The following WIPF2 variants were observed in gnomAD, a reference collection of about 807,000 sequenced individuals.
WIPF2 encodes the protein WAS/WASL-interacting protein family member 2.
Under a neutral mutation model 38.8 loss-of-function variants are expected in WIPF2, and 23 were observed. The ratio of observed to expected loss-of-function variants is 0.59; its 90% CI spans 0.43 to 0.84. WIPF2 has a LOEUF of 0.84. Among genes scored for constraint, WIPF2 ranks in the 40% least tolerant of loss-of-function variants. WIPF2 has a pLI of 0.00. For synonymous variants in WIPF2, 210 were observed against 223.2 expected, an observed-to-expected ratio of 0.94 and a Z score of 0.53; for missense variants, 574 against 580.5, an observed-to-expected ratio of 0.99 and a Z score of 0.11.
At chr17:40,260,480 C>T in intron 2 of WIPF2, 55 bp from the exon 3 acceptor site, 1 of 1,596,002 alleles carries the variant, frequency 6.3e-7, no homozygotes, top group Non-Finnish European at 8.5e-7. Flanking sequence ...AGCCACCGCA[C>T]CCGGCCGATA....
intron 3 of WIPF2, among the ~76,000 whole-genome samples, chr17:40,262,067 TTTC>T (rs2145378779): frequency 7.3e-6 from 1 of 136,760 alleles, no homozygotes; most frequent in South Asian, 2.3e-4. Flanking sequence ...TTTCTTTTCT[TTTC>T]TTTTCTCTTT....
At chr17:40,273,547 G>T in intron 5 of WIPF2, 1 of 480,134 alleles carries the variant, frequency 2.1e-6, no homozygotes, top group African/African-American at 2.0e-5. Context: ...TGGAAAAGCA[G>T]GAAAAAAATC....
At chr17:40,230,366 G>A (rs1448615161) in intron 1 of WIPF2, among the ~76,000 whole-genome samples, 1 of 152,012 alleles carries the variant, frequency 6.6e-6, no homozygotes, top group Non-Finnish European at 1.5e-5. Flanking sequence ...AAGAGTAATA[G>A]GATAGTGAAT....
chr17:40,276,980 C>T, intron 6 of WIPF2, 103 bp from the exon 7 acceptor site: 1 of 1,027,912 alleles, frequency 9.7e-7, no homozygotes, highest in Non-Finnish European at 1.5e-6. Context: ...CACAGTACCT[C>T]AGAATGCCTG....
chr17:40,244,105 A>G (rs2031281734), intron 1 of WIPF2, among the ~76,000 whole-genome samples: 1 of 152,138 alleles, frequency 6.6e-6, no homozygotes, highest in African/African-American at 2.4e-5. Context: ...TTGGAGTGGT[A>G]GTGGTAAAAT....
At chr17:40,232,991 A>G (rs904727073) in intron 1 of WIPF2, among the ~76,000 whole-genome samples, 6 of 151,988 alleles carry the variant, frequency 3.9e-5, no homozygotes, top group Admixed American at 2.6e-4. Flanking sequence ...ATGATTTCCT[A>G]TGGTAGATTG....
At chr17:40,236,800 G>C (rs749337063) in intron 1 of WIPF2, among the ~76,000 whole-genome samples, 1 of 149,974 alleles carries the variant, frequency 6.7e-6, no homozygotes, top group East Asian at 2.0e-4. Flanking sequence ...GTAGAGACGG[G>C]GTTTTACCAT....
intron 5 of WIPF2, among the ~76,000 whole-genome samples, chr17:40,269,056 C>T (rs560217462): frequency 2.6e-5 from 4 of 152,100 alleles, no homozygotes; most frequent in African/African-American, 9.6e-5. Context: ...CAGTGGCTCA[C>T]GCCTGTAATC....
At chr17:40,263,350 G>A (rs2031973349) in intron 4 of WIPF2, among the ~76,000 whole-genome samples, 1 of 151,946 alleles carries the variant, frequency 6.6e-6, no homozygotes, top group Admixed American at 6.6e-5. Flanking sequence ...AGAATCTAAT[G>A]CTGCTGCTGG....
chr17:40,249,225 C>CCCAGATTGTTA (rs1567716074), intron 1 of WIPF2, among the ~76,000 whole-genome samples: 8 of 152,022 alleles, frequency 5.3e-5, no homozygotes, highest in African/African-American at 1.9e-4. Context: ...TGAATAAAGG[C>CCCAGATTGTTA]CCCAGATTGT....
chr17:40,241,319 A>C (rs2031182215), intron 1 of WIPF2, among the ~76,000 whole-genome samples: 1 of 152,072 alleles, frequency 6.6e-6, no homozygotes, highest in Non-Finnish European at 1.5e-5. Context: ...AAGTTTGGAA[A>C]CCCTGCTTTA....
In WIPF2 at chr17:40,281,253, A is replaced by G. The variant is rs575203758; in HGVS notation, c.*3028A>G. 2 of 152,080 alleles carry G rather than the reference A, an allele frequency of 1.3e-5. No homozygotes were observed. The highest frequency in any genetic ancestry group is 4.8e-5 in the African/African-American group (2 of 41,470). 9.4% of individuals were successfully genotyped at this position (152,080 alleles called of 1,614,324 possible). On this transcript the variant is annotated 3_prime_UTR_variant, in exon 8 of 8. Coordinates refer to ENST00000323571, the MANE Select transcript of WIPF2 (RefSeq NM_133264.5). ...AGGAAGCTGTGTTAAAAGCCCTTCT[A>G]TGGGTTTGGTTTTGTGATGTTTTTC...
At chr17:40,262,077 CTTTTT>C (rs34246534) in intron 3 of WIPF2, among the ~76,000 whole-genome samples, 4 of 122,608 alleles carry the variant, frequency 3.3e-5, no homozygotes, top group Non-Finnish European at 5.1e-5. Context: ...TTTCTTTTCT[CTTTTT>C]TTTTTTTTTT....
intron 1 of WIPF2, among the ~76,000 whole-genome samples, chr17:40,240,085 G>A (rs2031132521): frequency 6.7e-6 from 1 of 149,920 alleles, no homozygotes; most frequent in Admixed American, 6.7e-5. Flanking sequence ...TTTTTAAGAT[G>A]GAGTCTTGCT....
At chr17:40,252,673 A>AG (rs2031596432) in intron 1 of WIPF2, among the ~76,000 whole-genome samples, 1 of 151,614 alleles carries the variant, frequency 6.6e-6, no homozygotes. Flanking sequence ...AAAAAAAAAA[A>AG]CTAGAAACCT....
rs185019004 is a variant in WIPF2 at position 40,256,326 on chromosome 17, C to T, written c.-69-65C>T. The T allele has an allele frequency of 4.8e-3, 6,415 of 1,346,086 alleles. 31 individuals carry two copies. The highest frequency in any genetic ancestry group is 4.8e-3 in the Non-Finnish European group (4,791 of 989,180). 83.4% of individuals were successfully genotyped at this position (1,346,086 alleles called of 1,614,324 possible). On this transcript the variant is annotated intron_variant, in intron 1 of 7. Coordinates refer to ENST00000323571, the MANE Select transcript of WIPF2 (RefSeq NM_133264.5). ...TTTTGATTACCATGCCCAGTTCTCTCATTCTCCTGGGCACTTGTATCTAAT... is the reference window on the plus strand; with the variant it reads ...TTTTGATTACCATGCCCAGTTCTCTTATTCTCCTGGGCACTTGTATCTAAT...
At chr17:40,226,016 C>G (rs553978237) in intron 1 of WIPF2, among the ~76,000 whole-genome samples, 2 of 152,104 alleles carry the variant, frequency 1.3e-5, no homozygotes, top group Non-Finnish European at 2.9e-5. Context: ...TGAGGCCCCT[C>G]AGTGGAAATA....
chr17:40,262,630 A>T lies in WIPF2; in HGVS notation c.302A>T (p.Lys101Met). The change falls in exon 4 of 8, where the codon AAG becomes ATG. Residue 101 changes from lysine to methionine, a missense_variant. Coordinates refer to ENST00000323571, the MANE Select transcript of WIPF2 (RefSeq NM_133264.5). Reference sequence around the variant, plus strand: ...CTGAAGCTTCGACCTGTGGGAGCCAAGGATGGTTCAGGTATCTGATGAGTA... The same window carrying T: ...CTGAAGCTTCGACCTGTGGGAGCCATGGATGGTTCAGGTATCTGATGAGTA... The part of the protein sequence containing the change: ...GVLKLRPVGA[K>M]DGSENLAGKP... The T allele has an allele frequency of 1.2e-6, 2 of 1,613,538 alleles. No individual in the cohort carries two copies. The highest frequency in any genetic ancestry group is 3.3e-4 in the Middle Eastern group (2 of 6,060).
intron 1 of WIPF2, among the ~76,000 whole-genome samples, chr17:40,239,691 CTTTT>C (rs748169841): frequency 2.1e-4 from 22 of 107,158 alleles, no homozygotes; most frequent in Non-Finnish European, 3.9e-4. Flanking sequence ...TTCAGCTTTT[CTTTT>C]TTTTTTTTTT....
Sources: allele counts gnomAD v4.1 joint callset (sites outside exome capture counted in the v4.1 genomes callset), GRCh38; gene constraint gnomAD v4.1.1; transcripts MANE v1.5; gene names NCBI Gene and HGNC (gene_info 2026-07-23, HGNC 2026-07-21).